GAS7: variants seen among roughly 807,000 people sequenced by gnomAD.
The protein encoded by GAS7 is growth arrest-specific protein 7.
A neutral mutation model predicts 71.1 loss-of-function variants in GAS7; 28 were observed. That is an observed-to-expected ratio of 0.39 (90% CI 0.29 to 0.54). The LOEUF (loss-of-function observed/expected upper bound fraction) is 0.54, where lower values mean the gene tolerates loss of function less well. Ranked by LOEUF, GAS7 falls within the 20% of genes least tolerant of loss-of-function variation. The pLI, the probability that GAS7 is intolerant of heterozygous loss-of-function variation, is 0.62. For synonymous variants in GAS7, 258 were observed against 245.8 expected (o/e 1.05, Z -0.46); for missense variants, 436 against 627.8 (o/e 0.69, Z 3.27).
intron 1 of GAS7, among the ~76,000 whole-genome samples, chr17:10,125,697 T>G (rs1426460743): frequency 6.7e-6 from 1 of 150,354 alleles, no homozygotes; most frequent in African/African-American, 2.4e-5. Flanking sequence ...GAGGCCCGGG[T>G]GTGAGGGGGT....
At chr17:9,940,247 T>C (rs1341622681) in intron 7 of GAS7, 47 bp from the exon 8 acceptor site, 2 of 1,458,026 alleles carry the variant, frequency 1.4e-6, no homozygotes, top group Non-Finnish European at 1.9e-6. Context: ...CAGTGCCAGA[T>C]CGTGGGTCTG....
At chr17:10,064,150 TC>T (rs374203071) in intron 1 of GAS7, among the ~76,000 whole-genome samples, 368 of 152,144 alleles carry the variant, frequency 2.4e-3, no homozygotes, top group African/African-American at 8.3e-3. Context: ...TCTCACTCAA[TC>T]CCCTACACCT....
chr17:9,913,792 T>C lies in GAS7; in HGVS notation c.*3436A>G, dbSNP rs777861800. The C allele has an allele frequency of 4.3e-6, 1 of 231,722 alleles. No individual in the cohort carries two copies. The highest frequency in any genetic ancestry group is 8.5e-6 in the Non-Finnish European group (1 of 117,178). 14.4% of individuals were successfully genotyped at this position (231,722 alleles called of 1,614,324 possible). A position where few individuals can be genotyped will look rare whatever the true frequency, so the allele number is the denominator to read the frequency against. Reference sequence around the variant, plus strand: ...GGTAACAAGTGGCTCTTCCTGGAGGTTGTCACAGCAACCAACTTGGAACAC... The same window carrying C: ...GGTAACAAGTGGCTCTTCCTGGAGGCTGTCACAGCAACCAACTTGGAACAC... On this transcript the variant is annotated 3_prime_UTR_variant, in exon 14 of 14. Coordinates refer to ENST00000432992, the MANE Select transcript of GAS7 (RefSeq NM_201433.2).
chr17:10,039,499 T>C (rs1464067759), intron 1 of GAS7, among the ~76,000 whole-genome samples: 2 of 152,018 alleles, frequency 1.3e-5, no homozygotes, highest in African/African-American at 4.8e-5. Flanking sequence ...CTGGCCAACA[T>C]GGCGAAAACC....
rs62064582 is a variant in GAS7, at chr17:10,175,327, G to T, written c.183+22881C>A. Among the ~76,000 whole-genome samples the T allele has an allele frequency of 6.7e-3, 1,022 of 151,798 alleles. 6 individuals are homozygous for T. The highest frequency in any genetic ancestry group is 0.02 in the Middle Eastern group (6 of 294). ...TTGCCTACCCAAGCCCAGGGTAAGG[G>T]GCTTGTGTGAGTTTGCTGGGGCTGC... On this transcript the variant is annotated intron_variant, in intron 1 of 13. Coordinates refer to ENST00000432992, the MANE Select transcript of GAS7 (RefSeq NM_201433.2).
At position 9,915,592 on chromosome 17, in the gene GAS7, C is replaced by T. The variant is rs140853542; in HGVS notation, c.*1636G>A. 3.5e-5 allele frequency: 8 copies of T among 225,714 alleles called. No individual in the cohort carries two copies. The highest frequency in any genetic ancestry group is 1.1e-4 in the Admixed American group (2 of 17,500). 14.0% of individuals were successfully genotyped at this position (225,714 alleles called of 1,614,324 possible). A position where few individuals can be genotyped will look rare whatever the true frequency, so the allele number is the denominator to read the frequency against. On this transcript the variant is annotated 3_prime_UTR_variant, in exon 14 of 14. Coordinates refer to ENST00000432992, the MANE Select transcript of GAS7 (RefSeq NM_201433.2). The stretch of plus-strand genomic sequence containing the variant: ...AGGCATTTTTCTAATGTGAACTATA[C>T]GAAAGCAATTCTCATTCAATGAAAG...
At chr17:10,164,440 CA>C (rs765625699) in intron 1 of GAS7, among the ~76,000 whole-genome samples, 228 of 115,938 alleles carry the variant, frequency 2.0e-3, no homozygotes, top group Middle Eastern at 4.7e-3. Context: ...GACTCTGTCT[CA>C]AAAAAAAAAA....
rs777956840 is a variant in GAS7 at position 9,959,557 on chromosome 17, G to A, written c.472-302C>T. ...TGTGATTTGGGGAGTTAACCCCTCC[G>A]CTGCCCTCTGCTGGTGAACGTTCCG... On this transcript the variant is annotated intron_variant, in intron 4 of 13. Transcript: ENST00000432992. This position sits in a 1 kb window ranked among gnomAD's most constrained non-coding sequence, Gnocchi z 5.0. 3.2e-5 allele frequency: 26 copies of A among 818,552 alleles called. No individual in the cohort carries two copies. Among genetic ancestry groups the A allele is most frequent in the Admixed American group, 7.6e-5 (2 of 26,198 alleles). 50.7% of individuals were successfully genotyped at this position (818,552 alleles called of 1,614,324 possible). A position where few individuals can be genotyped will look rare whatever the true frequency, so the allele number is the denominator to read the frequency against.
At chr17:9,954,696 G>A (rs149204683) in intron 5 of GAS7, among the ~76,000 whole-genome samples, 2 of 152,206 alleles carry the variant, frequency 1.3e-5, no homozygotes, top group African/African-American at 4.8e-5. Flanking sequence ...GATGCTATTA[G>A]CCTCTGGTTG....
chr17:10,036,649 A>T, intron 1 of GAS7: 2 of 1,430,232 alleles, frequency 1.4e-6, no homozygotes, highest in Non-Finnish European at 1.8e-6. Flanking sequence ...CTGTTCTTTC[A>T]CAAAGAACCC....
At chr17:9,980,064 T>A (rs974610029) in intron 3 of GAS7, among the ~76,000 whole-genome samples, 54 of 149,714 alleles carry the variant, frequency 3.6e-4, no homozygotes, top group African/African-American at 1.0e-3. Flanking sequence ...CTTATTTTTT[T>A]AAAAATTTAA....
chr17:10,043,325 C>T (rs971201453), intron 1 of GAS7, among the ~76,000 whole-genome samples: 6 of 152,122 alleles, frequency 3.9e-5, no homozygotes, highest in Middle Eastern at 3.4e-3. Context: ...GGGGAATGAA[C>T]GATGTGAGTT....
chr17:9,943,034 A>T, intron 7 of GAS7, 87 bp downstream of exon 7: 1 of 796,542 alleles, frequency 1.3e-6, no homozygotes, highest in South Asian at 1.5e-5. Flanking sequence ...TGCAGTACTG[A>T]GTCCTGTGCT....
At position 10,117,653 on chromosome 17, in the gene GAS7, C is replaced by T. The variant is rs554807281; in HGVS notation, c.183+80555G>A. On this transcript the variant is annotated intron_variant, in intron 1 of 13. Transcript: ENST00000432992. Reference sequence around the variant, plus strand: ...TAGGGCTTCCGCGTCTTCACTCTGCCGACATGGGGCACCACTGGACTGTGG... The same window carrying T: ...TAGGGCTTCCGCGTCTTCACTCTGCTGACATGGGGCACCACTGGACTGTGG... Among the ~76,000 whole-genome samples, 56 of 152,212 alleles carry T rather than the reference C, an allele frequency of 3.7e-4. 1 individual carries two copies. In the South Asian group the frequency reaches 6.0e-3, roughly 16 times the overall value.
intron 2 of GAS7, among the ~76,000 whole-genome samples, chr17:9,999,014 G>C (rs1386726794): frequency 6.6e-6 from 1 of 152,160 alleles, no homozygotes; most frequent in Admixed American, 6.6e-5. Context: ...CTTTTTAACA[G>C]GCTCCAAGCA....
chr17:10,085,962 C>G (rs192904940), intron 1 of GAS7, among the ~76,000 whole-genome samples: 9 of 152,262 alleles, frequency 5.9e-5, no homozygotes, highest in Admixed American at 5.9e-4. Context: ...CCTCCTGCCT[C>G]GCCTCAAGAA....
At chr17:9,998,807 T>C (rs1445283444) in intron 2 of GAS7, among the ~76,000 whole-genome samples, 1 of 151,288 alleles carries the variant, frequency 6.6e-6, no homozygotes, top group Admixed American at 6.6e-5. Context: ...CCTGCATTCC[T>C]GTGAGATGCC....
At chr17:9,942,368 G>A (rs1004285662) in intron 7 of GAS7, among the ~76,000 whole-genome samples, 1 of 147,586 alleles carries the variant, frequency 6.8e-6, no homozygotes, top group Non-Finnish European at 1.5e-5. Flanking sequence ...AGGTGGGTAT[G>A]TGCAGCTGTG....
chr17:9,932,386 G>A (rs2068241749), intron 9 of GAS7, among the ~76,000 whole-genome samples: 1 of 152,020 alleles, frequency 6.6e-6, no homozygotes, highest in East Asian at 1.9e-4. Flanking sequence ...GTAGAGATGG[G>A]GTTTCACCAT....
Sources: gnomAD v4.1 joint callset for allele counts (sites outside exome capture counted in the v4.1 genomes callset) on GRCh38, gnomAD v4.1.1 for gene constraint, Gnocchi (gnomAD v3.1) non-coding constraint, MANE v1.5 for transcripts, NCBI Gene and HGNC (gene_info 2026-07-23, HGNC 2026-07-21) for gene names.